FHOD3: variants seen among roughly 807,000 people sequenced by gnomAD.
FHOD3 encodes the protein FH1/FH2 domain-containing protein 3.
In FHOD3, 90 loss-of-function variants were observed where a neutral mutation model predicts 173.0. That is an observed-to-expected ratio of 0.52 (90% CI 0.44 to 0.62). FHOD3 has a LOEUF of 0.62. Among genes scored for constraint, FHOD3 ranks in the 20% least tolerant of loss-of-function variants. FHOD3 has a pLI of 0.00. For synonymous variants in FHOD3, 828 were observed against 823.0 expected (o/e 1.01, Z -0.10); for missense variants, 1,945 against 2,034.7 (o/e 0.96, Z 0.85).
intron 3 of FHOD3, among the ~76,000 whole-genome samples, chr18:36,461,855 T>C (rs531185933): frequency 6.6e-6 from 1 of 152,070 alleles, no homozygotes; most frequent in Admixed American, 6.5e-5. Flanking sequence ...GCACTAGGAG[T>C]TGGAAGACCT....
intron 3 of FHOD3, among the ~76,000 whole-genome samples, chr18:36,448,923 C>T (rs779831191): frequency 1.3e-5 from 2 of 151,750 alleles, no homozygotes; most frequent in Non-Finnish European, 2.9e-5. Context: ...CTCCTTTATT[C>T]AACCCAGAGC....
intron 3 of FHOD3, among the ~76,000 whole-genome samples, chr18:36,468,311 C>T (rs764981207): frequency 6.6e-5 from 10 of 152,084 alleles, no homozygotes; most frequent in Non-Finnish European, 7.3e-5. Context: ...AAGGCTGTTA[C>T]GGAAAAATGT....
At chr18:36,637,088 C>A (rs2148926921) in intron 10 of FHOD3, among the ~76,000 whole-genome samples, 1 of 152,206 alleles carries the variant, frequency 6.6e-6, no homozygotes, top group South Asian at 2.1e-4. Context: ...AGTAAATGAG[C>A]AAGCCACCAG....
chr18:36,479,380 A>C (rs1319953382), intron 3 of FHOD3, among the ~76,000 whole-genome samples: 1 of 152,210 alleles, frequency 6.6e-6, no homozygotes, highest in Non-Finnish European at 1.5e-5. Context: ...AGTGAGCTGC[A>C]ATACAGTGGA....
At chr18:36,758,353 A>T (rs2042721310) in intron 25 of FHOD3, among the ~76,000 whole-genome samples, 1 of 152,356 alleles carries the variant, frequency 6.6e-6, no homozygotes, top group African/African-American at 2.4e-5. Flanking sequence ...AGAGATTGAC[A>T]TGACTTTTCA....
chr18:36,475,751 TACACACACACACACACACACACAC>T (rs58982535), intron 3 of FHOD3, among the ~76,000 whole-genome samples: 3 of 143,070 alleles, frequency 2.1e-5, no homozygotes, highest in South Asian at 2.3e-4. Flanking sequence ...TATAGAAACA[TACACACACACACACACACACACAC>T]ACACACACAC....
chr18:36,760,705 T>C lies in FHOD3; in HGVS notation c.4547T>C (p.Val1516Ala), dbSNP rs371397197. Residue 1516 changes from valine (V) to alanine (A), a missense_variant, in exon 27 of 29, where the codon GTG becomes GCG. Transcript: ENST00000590592. ...GCTGAGCACGAGAACATGAAGGCTG[T>C]GCTGAAAACCTCGTCCCCCTCCGTG... ...DAAEHENMKA[V>A]LKTSSPSVED... 7.7e-5 allele frequency: 124 copies of C among 1,613,164 alleles called. No homozygotes were observed. The highest frequency in any genetic ancestry group is 9.8e-5 in the Non-Finnish European group (116 of 1,180,032).
At position 36,581,757 on chromosome 18, in the gene FHOD3, C is replaced by T. The variant is rs933040188; in HGVS notation, c.606+5212C>T. Among the ~76,000 whole-genome samples, 5 of 152,290 alleles carry T rather than the reference C, an allele frequency of 3.3e-5. No individual in the cohort carries two copies. In the East Asian group the frequency reaches 5.8e-4, roughly 18 times the overall value. On this transcript the variant is annotated intron_variant, in intron 6 of 28. Coordinates refer to ENST00000590592, the MANE Select transcript of FHOD3 (RefSeq NM_001281740.3). Reference sequence around the variant, plus strand: ...ACATTAGAGAACCTATGAGCCCACCCGCCAGCCACCCCACCCCCAACACTG... The same window carrying T: ...ACATTAGAGAACCTATGAGCCCACCTGCCAGCCACCCCACCCCCAACACTG...
At chr18:36,303,652 C>T (rs539079284) in intron 1 of FHOD3, among the ~76,000 whole-genome samples, 5 of 152,140 alleles carry the variant, frequency 3.3e-5, no homozygotes, top group South Asian at 4.2e-4. Context: ...TTTTATCTCT[C>T]TCTGACGATG....
chr18:36,643,121 TTATC>T (rs1040799686), intron 10 of FHOD3, among the ~76,000 whole-genome samples: 6 of 152,126 alleles, frequency 3.9e-5, no homozygotes, highest in African/African-American at 9.7e-5. Flanking sequence ...ACCACAATCT[TTATC>T]TATTTTTTCC....
chr18:36,709,183 C>G lies in FHOD3; in HGVS notation c.2325C>G (p.Asp775Glu). 1 of 1,614,194 alleles carries G rather than the reference C, an allele frequency of 6.2e-7. No individual in the cohort carries two copies. The highest frequency in any genetic ancestry group is 1.1e-5 in the South Asian group (1 of 91,076). Residue 775 changes from aspartate (D) to glutamate (E), a missense_variant, in exon 18 of 29, where the codon GAC becomes GAG. Physicochemically the swap from Asp to Glu is conservative, Grantham distance 45 (BLOSUM62 2). Coordinates refer to ENST00000590592, the MANE Select transcript of FHOD3 (RefSeq NM_001281740.3). The stretch of plus-strand genomic sequence containing the variant: ...AGGTTGCTGATGAAGCTGGCCAGGA[C>G]ATAGCCTCTGCCCACGAGGGTGCAG... Reference protein sequence around the residue: ...AGQVADEAGQDIASAHEGAET... With the variant: ...AGQVADEAGQEIASAHEGAET...
intron 5 of FHOD3, among the ~76,000 whole-genome samples, chr18:36,541,502 C>CT (rs1172226746): frequency 1.3e-5 from 2 of 152,000 alleles, no homozygotes; most frequent in Admixed American, 6.6e-5. Context: ...CTGCTCCAGC[C>CT]TGGGCAACCG....
intron 3 of FHOD3, among the ~76,000 whole-genome samples, chr18:36,425,960 G>A (rs1006310280): frequency 1.5e-4 from 22 of 151,610 alleles, no homozygotes; most frequent in Non-Finnish European, 2.2e-4. Flanking sequence ...GAGTGCAGTG[G>A]CGCGATCTTG....
chr18:36,468,496 C>T (rs542149182), intron 3 of FHOD3, among the ~76,000 whole-genome samples: 2 of 152,166 alleles, frequency 1.3e-5, no homozygotes, highest in African/African-American at 2.4e-5. Context: ...CTGCCGTGGG[C>T]GAGGGAGCTG....
chr18:36,412,749 T>TA (rs2049422663), intron 3 of FHOD3, among the ~76,000 whole-genome samples: 1 of 152,222 alleles, frequency 6.6e-6, no homozygotes, highest in African/African-American at 2.4e-5. Flanking sequence ...AAATTAAGGT[T>TA]AAAAATGTTA....
intron 1 of FHOD3, among the ~76,000 whole-genome samples, chr18:36,304,049 T>G (rs1013910641): frequency 6.6e-6 from 1 of 152,112 alleles, no homozygotes; most frequent in Admixed American, 6.6e-5. Context: ...GAAGGAAACC[T>G]TAGATGAAAA....
Position 36,652,923 on chromosome 18 carries a change from A to G in FHOD3, c.1640A>G (p.Glu547Gly). 6.5e-7 allele frequency: 1 copy of G among 1,530,690 alleles called. No homozygotes were observed. The highest frequency in any genetic ancestry group is 8.8e-7 in the Non-Finnish European group (1 of 1,142,774). The allele number at this position is 1,530,690 out of a possible 1,614,324, so 94.8% of individuals were successfully genotyped here. A position where few individuals can be genotyped will look rare whatever the true frequency, so the allele number is the denominator to read the frequency against. ...GAGAAGGAAGCAGAGTCCCAGAAGG[A>G]AAACAGGTAGATTTGCTCACCTGGA... ...TKEKEAESQK[E>G]NSSSDSFSLS... Residue 547 changes from glutamate (E) to glycine (G), a missense_variant, in exon 12 of 29, where the codon GAA becomes GGA. By Grantham distance (98) the Glu-to-Gly change is moderately conservative. Coordinates refer to ENST00000590592, the MANE Select transcript of FHOD3 (RefSeq NM_001281740.3).
At chr18:36,383,651 C>T (rs931387397) in intron 3 of FHOD3, among the ~76,000 whole-genome samples, 5 of 152,296 alleles carry the variant, frequency 3.3e-5, no homozygotes, top group African/African-American at 1.2e-4. Context: ...TTTCTACTAA[C>T]CACTTAATGC....
chr18:36,718,839 T>C (rs1003336968), intron 19 of FHOD3, 124 bp downstream of exon 19: 6 of 1,471,170 alleles, frequency 4.1e-6, no homozygotes, highest in Non-Finnish European at 5.4e-6. Flanking sequence ...GGTATGAAAA[T>C]TTGATCTTTA....
Sources: allele counts gnomAD v4.1 joint callset (sites outside exome capture counted in the v4.1 genomes callset), GRCh38; gene constraint gnomAD v4.1.1; transcripts MANE v1.5; gene names NCBI Gene and HGNC (gene_info 2026-07-23, HGNC 2026-07-21).